Variants in APBB2 observed in about 807,000 individuals in gnomAD.
APBB2 encodes amyloid beta precursor protein binding family B member 2, also known as Fe65-like 1.
Under a neutral mutation model 82.5 loss-of-function variants are expected in APBB2, and 38 were observed. That is an observed-to-expected ratio of 0.46 (90% CI 0.36 to 0.60). The LOEUF (loss-of-function observed/expected upper bound fraction) is 0.60. Ranked by LOEUF, APBB2 falls within the 20% of genes least tolerant of loss-of-function variation. APBB2 has a pLI of 0.00. For missense variants in APBB2, 772 were observed against 972.3 expected, an observed-to-expected ratio of 0.79 and a Z score of 2.74; for synonymous variants, 341 against 368.2, an observed-to-expected ratio of 0.93 and a Z score of 0.85.
At chr4:40,956,361 G>A (rs780191745) in intron 6 of APBB2, among the ~76,000 whole-genome samples, 9 of 152,118 alleles carry the variant, frequency 5.9e-5, no homozygotes, top group South Asian at 2.1e-4. Flanking sequence ...CAAAGGAATC[G>A]GCAGAAACAC....
intron 12 of APBB2, among the ~76,000 whole-genome samples, chr4:40,870,232 C>T (rs1181271972): frequency 6.6e-6 from 1 of 152,162 alleles, no homozygotes; most frequent in African/African-American, 2.4e-5. Flanking sequence ...GCCTCCTCTG[C>T]CTCCAGCCCA....
At chr4:40,897,407 G>A (rs1277042056) in intron 10 of APBB2, among the ~76,000 whole-genome samples, 1 of 152,160 alleles carries the variant, frequency 6.6e-6, no homozygotes, top group Non-Finnish European at 1.5e-5. Flanking sequence ...GGGAGGCCGA[G>A]GCAAGAGAAT....
At chr4:41,105,810 C>T (rs531231235) in intron 2 of APBB2, among the ~76,000 whole-genome samples, 19 of 150,260 alleles carry the variant, frequency 1.3e-4, no homozygotes, top group African/African-American at 3.9e-4. Flanking sequence ...GGCGTGAACC[C>T]GGGAGGCGGA....
In APBB2 at chr4:41,094,126, T is replaced by G. The variant is rs28729380; in HGVS notation, c.-149+6513A>C. ...TACAATTTTTATTTGTCAATAAAAA[T>G]AAGAAGAAGAAAAAAACAAGTGACC... On this transcript the variant is annotated intron_variant, in intron 3 of 17. Transcript: ENST00000508593. 2.0e-3 allele frequency among the ~76,000 whole-genome samples: 302 copies of G among 152,254 alleles called. 1 individual carries two copies. The highest frequency in any genetic ancestry group is 6.6e-3 in the African/African-American group (275 of 41,562).
intron 6 of APBB2, among the ~76,000 whole-genome samples, chr4:40,958,257 G>C (rs752961425): frequency 6.6e-6 from 1 of 152,110 alleles, no homozygotes; most frequent in Non-Finnish European, 1.5e-5. Context: ...TTTCTAACTA[G>C]TGATATTAAA....
At chr4:40,854,808 A>T (rs1183199473) in intron 12 of APBB2, among the ~76,000 whole-genome samples, 2 of 150,330 alleles carry the variant, frequency 1.3e-5, no homozygotes, top group Admixed American at 1.3e-4. Flanking sequence ...AAAAAAAAAA[A>T]AGAAGAAAGA....
At chr4:41,188,379 T>C (rs955791288) in intron 1 of APBB2, among the ~76,000 whole-genome samples, 3 of 152,166 alleles carry the variant, frequency 2.0e-5, no homozygotes, top group Admixed American at 6.5e-5. Flanking sequence ...CCAAAATTCA[T>C]GTGTTGGAAT....
intron 10 of APBB2, among the ~76,000 whole-genome samples, chr4:40,899,930 G>T (rs1309479951): frequency 6.6e-6 from 1 of 152,108 alleles, no homozygotes; most frequent in Non-Finnish European, 1.5e-5. Flanking sequence ...TCAGCCTCGG[G>T]GTACAGGACC....
intron 15 of APBB2, among the ~76,000 whole-genome samples, chr4:40,825,492 G>T (rs1375948786): frequency 6.6e-6 from 1 of 152,226 alleles, no homozygotes; most frequent in African/African-American, 2.4e-5. Context: ...CTCCTTGACA[G>T]CATGAAGCCT....
At chr4:41,149,504 C>T (rs914902485) in intron 1 of APBB2, among the ~76,000 whole-genome samples, 6 of 127,122 alleles carry the variant, frequency 4.7e-5, no homozygotes, top group African/African-American at 1.5e-4. Context: ...GAAGGGAAGG[C>T]ACAGGCGTTA....
chr4:41,032,317 T>C (rs532068601), intron 5 of APBB2, among the ~76,000 whole-genome samples: 4 of 152,328 alleles, frequency 2.6e-5, no homozygotes, highest in South Asian at 2.1e-4. Flanking sequence ...ATATGAAATG[T>C]TTCTGCAATT....
At chr4:40,919,994 T>C (rs921306276) in intron 10 of APBB2, among the ~76,000 whole-genome samples, 2 of 152,172 alleles carry the variant, frequency 1.3e-5, no homozygotes, top group African/African-American at 4.8e-5. Context: ...GGGACAAAGA[T>C]TCTCTGGCTG....
chr4:41,071,229 T>A (rs984757928), intron 3 of APBB2, among the ~76,000 whole-genome samples: 10 of 152,232 alleles, frequency 6.6e-5, no homozygotes, highest in Admixed American at 2.0e-4. Flanking sequence ...AATTTTTAAA[T>A]GGCTTTACTT....
chr4:40,932,090 A>G (rs1784349948), intron 10 of APBB2, among the ~76,000 whole-genome samples: 2 of 152,266 alleles, frequency 1.3e-5, no homozygotes, highest in East Asian at 1.9e-4. Context: ...GATTTAATGG[A>G]ACCAGTCCTC....
At chr4:41,044,849 AT>A (rs527954850) in intron 4 of APBB2, among the ~76,000 whole-genome samples, 2 of 152,042 alleles carry the variant, frequency 1.3e-5, no homozygotes, top group Non-Finnish European at 2.9e-5. Context: ...AAAATACATG[AT>A]TTTTTCTTTC....
intron 3 of APBB2, among the ~76,000 whole-genome samples, chr4:41,067,845 T>G (rs1489741151): frequency 6.6e-6 from 1 of 152,034 alleles, no homozygotes; most frequent in Non-Finnish European, 1.5e-5. Flanking sequence ...ACAGAGCAAG[T>G]GGAAGAGCCC....
intron 2 of APBB2, among the ~76,000 whole-genome samples, chr4:41,114,597 T>G (rs1002735607): frequency 6.6e-6 from 1 of 152,234 alleles, no homozygotes; most frequent in Non-Finnish European, 1.5e-5. Flanking sequence ...CAAAATCTCC[T>G]TAAGCTGATA....
chr4:41,127,845 G>A lies in APBB2; in HGVS notation c.-261+15142C>T, dbSNP rs945575399. On this transcript the variant is annotated intron_variant, in intron 2 of 17. Transcript: ENST00000508593. This position sits in a 1 kb window ranked among gnomAD's most constrained non-coding sequence, Gnocchi z 4.8. ...TTGTAATCCCAGCACTTTGGGAGGC[G>A]GAGGCGGGTGGATTACCTGAGGTCA... Among the ~76,000 whole-genome samples, 7 of 151,566 alleles carry A rather than the reference G, an allele frequency of 4.6e-5. No individual in the cohort carries two copies. Among genetic ancestry groups the A allele is most frequent in the South Asian group, 2.1e-4 (1 of 4,760 alleles).
chr4:41,016,679 T>G (rs116028104), intron 5 of APBB2, among the ~76,000 whole-genome samples: 5,176 of 151,654 alleles, frequency 0.034, 127 homozygotes, highest in Middle Eastern at 0.071. Context: ...AAAAAAGACT[T>G]CTAGCCATAT....
Sources: gnomAD v4.1 joint callset for allele counts (sites outside exome capture counted in the v4.1 genomes callset) on GRCh38, gnomAD v4.1.1 for gene constraint, Gnocchi (gnomAD v3.1) non-coding constraint, MANE v1.5 for transcripts, NCBI Gene and HGNC (gene_info 2026-07-23, HGNC 2026-07-21) for gene names.